SAXO4: variants seen among roughly 807,000 people sequenced by gnomAD.
The protein encoded by SAXO4 is stabilizer of axonemal microtubules 4.
the SAXO4 span, chr11:61,490,063 T>C: frequency 9.5e-7 from 1 of 1,055,596 alleles, no homozygotes; most frequent in Non-Finnish European, 1.3e-6. Flanking sequence ...GAGAGGCCCA[T>C]CTCCTCTGGC....
chr11:61,483,167 T>TTC, the SAXO4 span, among the ~76,000 whole-genome samples: 1 of 132,814 alleles, frequency 7.5e-6, no homozygotes, highest in African/African-American at 3.1e-5. Flanking sequence ...TCTTTTTCTT[T>TTC]TTTTTTTTTT....
chr11:61,485,305 A>G, the SAXO4 span: 1 of 1,601,900 alleles, frequency 6.2e-7, no homozygotes, highest in East Asian at 2.2e-5. Flanking sequence ...CTGGTGGGTC[A>G]GTGCCCCCAC....
chr11:61,482,315 G>C, the SAXO4 span: 90 of 1,614,008 alleles, frequency 5.6e-5, no homozygotes, highest in Non-Finnish European at 7.3e-5. Context: ...TGGCAGGTCG[G>C]GAGGATTTCA....
the SAXO4 span, chr11:61,485,805 T>A: frequency 9.9e-6 from 16 of 1,613,598 alleles, no homozygotes; most frequent in Non-Finnish European, 1.4e-5. Context: ...GCAGATTTCT[T>A]GCAGAAGAAA....
chr11:61,489,607 A>C, the SAXO4 span: 1 of 655,460 alleles, frequency 1.5e-6, no homozygotes. Flanking sequence ...AGGGGAGGGC[A>C]GGCTTTTTGA....
At chr11:61,487,156 G>T in the SAXO4 span, 4 of 1,613,924 alleles carry the variant, frequency 2.5e-6, no homozygotes, top group Admixed American at 6.7e-5. Context: ...GAGCCCACAG[G>T]GTTCAGCCTT....
the SAXO4 span, chr11:61,490,499 A>G: frequency 6.2e-6 from 10 of 1,614,014 alleles, no homozygotes; most frequent in Non-Finnish European, 7.6e-6. Context: ...GCCTCCCTGC[A>G]GAACCCTGAC....
chr11:61,484,032 T>C, the SAXO4 span, among the ~76,000 whole-genome samples: 1 of 151,948 alleles, frequency 6.6e-6, no homozygotes, highest in Non-Finnish European at 1.5e-5. Flanking sequence ...GGCCAACTGC[T>C]GTTGGGTCAG....
chr11:61,482,282 G>A, the SAXO4 span: 3 of 1,602,932 alleles, frequency 1.9e-6, no homozygotes, highest in Admixed American at 3.3e-5. Flanking sequence ...TTGACCTTGG[G>A]GTCTGTCTCC....
At chr11:61,481,970 G>A in the SAXO4 span, 1 of 1,278,422 alleles carries the variant, frequency 7.8e-7, no homozygotes, top group Non-Finnish European at 1.1e-6. Flanking sequence ...CAGGAAGGGA[G>A]GGGCTCTCTC....
the SAXO4 span, chr11:61,490,384 C>G: frequency 9.0e-6 from 8 of 892,300 alleles, no homozygotes; most frequent in East Asian, 4.9e-5. Context: ...TGTGGCTTGG[C>G]TGCCCTGGCT....
At chr11:61,482,426 G>A in the SAXO4 span, 18 of 1,613,310 alleles carry the variant, frequency 1.1e-5, no homozygotes, top group Non-Finnish European at 8.5e-7. Flanking sequence ...ACCCGGCCAG[G>A]GGGTACGGTC....
chr11:61,481,153 G>C, the SAXO4 span: 2 of 152,226 alleles, frequency 1.3e-5, no homozygotes, highest in African/African-American at 4.8e-5. Flanking sequence ...AGGAGGGCTG[G>C]CTTCTCTGCA....
At chr11:61,483,882 C>T in the SAXO4 span, among the ~76,000 whole-genome samples, 3 of 151,638 alleles carry the variant, frequency 2.0e-5, no homozygotes, top group Middle Eastern at 3.2e-3. Context: ...TGCTTGAACT[C>T]GGGAGGCGGA....
the SAXO4 span, chr11:61,486,299 A>G: frequency 6.2e-7 from 1 of 1,606,124 alleles, no homozygotes; most frequent in Non-Finnish European, 8.5e-7. Flanking sequence ...CCAGGGGCCC[A>G]GGCTGCCTCT....
the SAXO4 span, chr11:61,482,643 C>T: frequency 2.5e-6 from 4 of 1,613,790 alleles, no homozygotes; most frequent in Non-Finnish European, 3.4e-6. Context: ...TCTAGCTCCT[C>T]CTCACCCTCA....
chr11:61,482,899 C>G, the SAXO4 span: 1 of 1,376,036 alleles, frequency 7.3e-7, no homozygotes, highest in East Asian at 2.5e-5. Flanking sequence ...GTGGAGGTGA[C>G]AGGGCATGGA....
chr11:61,487,325 G>A, the SAXO4 span: 2 of 1,180,712 alleles, frequency 1.7e-6, no homozygotes, highest in Middle Eastern at 3.9e-4. Context: ...ACAGCCTCGT[G>A]GAGAAGATCA....
chr11:61,481,263 A>G, the SAXO4 span: 2 of 152,658 alleles, frequency 1.3e-5, no homozygotes, highest in South Asian at 2.1e-4. Flanking sequence ...AGTGCAGCCA[A>G]TTCCCAGGGG....
Sources: allele counts gnomAD v4.1 joint callset (sites outside exome capture counted in the v4.1 genomes callset), GRCh38; gene constraint gnomAD v4.1.1; transcripts MANE v1.5; gene names NCBI Gene and HGNC (gene_info 2026-07-23, HGNC 2026-07-21).